Variants in PAICS observed in about 807,000 individuals in gnomAD.
The protein encoded by PAICS is phosphoribosylaminoimidazole carboxylase and phosphoribosylaminoimidazolesuccinocarboxamide synthase, also known as bifunctional phosphoribosylaminoimidazole carboxylase/phosphoribosylaminoimidazole succinocarboxamide synthetase.
PAICS carries 33 observed loss-of-function variants against 53.7 expected under a neutral mutation model. That is an observed-to-expected ratio of 0.61 (90% CI 0.47 to 0.82). The LOEUF (loss-of-function observed/expected upper bound fraction) is 0.82. PAICS is among the 40% of genes least tolerant of loss of function. PAICS has a pLI of 0.00. For missense variants in PAICS, 394 were observed against 494.1 expected (o/e 0.80, Z 1.92); for synonymous variants, 141 against 167.2 (o/e 0.84, Z 1.21).
At chr4:56,450,754 A>T (rs1447799057) in intron 6 of PAICS, 52 bp downstream of exon 6, 8 of 906,772 alleles carry the variant, frequency 8.8e-6, no homozygotes, top group Non-Finnish European at 1.2e-5. Context: ...CTTCTAAGAA[A>T]ATCTTGTTTC....
intron 8 of PAICS, among the ~76,000 whole-genome samples, chr4:56,458,625 G>A (rs1719346033): frequency 6.6e-6 from 1 of 152,186 alleles, no homozygotes; most frequent in Admixed American, 6.5e-5. Flanking sequence ...TTGGCCTTGT[G>A]ATTTGTATTT....
the PAICS span, among the ~76,000 whole-genome samples, chr4:56,414,024 T>G: frequency 2.0e-5 from 3 of 152,330 alleles, no homozygotes; most frequent in East Asian, 5.8e-4. Flanking sequence ...AGAACACTTT[T>G]CTATACAATT....
At chr4:56,431,178 T>A (rs112876479), upstream of PAICS, among the ~76,000 whole-genome samples, 407 of 152,324 alleles carry the variant, frequency 2.7e-3, 1 homozygote, top group African/African-American at 9.4e-3. Flanking sequence ...GTATAAAAGT[T>A]AAACACTATA....
chr4:56,450,616 TA>T lies in PAICS; in HGVS notation c.688-2del. The T allele has an allele frequency of 6.9e-7, 1 of 1,452,746 alleles. No individual in the cohort carries two copies. The highest frequency in any genetic ancestry group is 9.5e-7 in the Non-Finnish European group (1 of 1,057,624). 90.0% of individuals were successfully genotyped at this position (1,452,746 alleles called of 1,614,324 possible). ...TTTCTAAACTTTCTATCTTATTTTC[TA>T]GTCTTATCGGGACCTCAAAGAAGTA... is the stretch of plus-strand genomic sequence containing the variant. On this transcript the variant is annotated splice_acceptor_variant, in intron 5 of 8. Coordinates refer to ENST00000512576, the MANE Select transcript of PAICS (RefSeq NM_001079524.2). LOFTEE classifies it high-confidence loss of function.
At chr4:56,434,108 G>T (rs1372150591), upstream of PAICS, among the ~76,000 whole-genome samples, 1 of 152,036 alleles carries the variant, frequency 6.6e-6, no homozygotes, top group Non-Finnish European at 1.5e-5. Context: ...AAAAAAACAA[G>T]AAATCTATTA....
chr4:56,439,175 G>T (rs1276415633), intron 1 of PAICS, among the ~76,000 whole-genome samples: 1 of 152,128 alleles, frequency 6.6e-6, no homozygotes, highest in African/African-American at 2.4e-5. Flanking sequence ...CTTTGCCCGG[G>T]CTTACTGCAT....
chr4:56,418,912 T>C, the PAICS span, among the ~76,000 whole-genome samples: 1 of 152,244 alleles, frequency 6.6e-6, no homozygotes, highest in East Asian at 1.9e-4. Context: ...AACAAGGCAT[T>C]ATGAAATTTC....
At position 56,459,512 on chromosome 4, in the gene PAICS, A is replaced by C. The variant is rs764472966; in HGVS notation, c.1252A>C (p.Lys418Gln). The C allele has an allele frequency of 2.5e-6, 4 of 1,571,384 alleles. No individual in the cohort carries two copies. The highest frequency in any genetic ancestry group is 3.5e-6 in the Non-Finnish European group (4 of 1,150,332). The change falls in exon 9 of 9, where the codon AAG (lysine) becomes CAG (glutamine). Residue 418 changes from lysine (K) to glutamine (Q), a missense_variant. Physicochemically the swap from Lys to Gln is moderately conservative, Grantham distance 53. Around this residue, in one of 3 missense-constraint regions of PAICS, gnomAD observed 95 missense variants for 89.3 expected, o/e 1.06. Transcript: ENST00000512576. ...ATGGATTTCCTTGAAGCAGGCTGAC[A>C]AGAAAATCAGAGAATGTAATTTATA... ...NTWISLKQAD[K>Q]KIRECNL
At chr4:56,414,053 T>A in the PAICS span, among the ~76,000 whole-genome samples, 1 of 152,226 alleles carries the variant, frequency 6.6e-6, no homozygotes, top group Admixed American at 6.5e-5. Flanking sequence ...TGACCATTCA[T>A]GTCAATTGGG....
upstream of PAICS, chr4:56,435,345 C>G: frequency 1.2e-6 from 2 of 1,613,498 alleles, no homozygotes; most frequent in Non-Finnish European, 1.7e-6. Context: ...CACCCTGTTG[C>G]TCACCGGTGC....
chr4:56,435,386 T>C, upstream of PAICS: 1 of 1,612,126 alleles, frequency 6.2e-7, no homozygotes. Flanking sequence ...AGTGATCACA[T>C]GCGGTACATC....
At chr4:56,432,400 C>T (rs1304367500), upstream of PAICS, among the ~76,000 whole-genome samples, 9 of 151,708 alleles carry the variant, frequency 5.9e-5, no homozygotes, top group Admixed American at 2.6e-4. Context: ...TGGTGGCGGG[C>T]GCCTGTAATC....
chr4:56,413,623 T>C, the PAICS span, among the ~76,000 whole-genome samples: 1 of 152,072 alleles, frequency 6.6e-6, no homozygotes, highest in Non-Finnish European at 1.5e-5. Flanking sequence ...AGGCCAGGCA[T>C]GGTGGCTCAT....
chr4:56,425,754 A>G, the PAICS span, among the ~76,000 whole-genome samples: 1 of 152,178 alleles, frequency 6.6e-6, no homozygotes, highest in Non-Finnish European at 1.5e-5. Context: ...GCTTTGTGCC[A>G]GTGTGACCTC....
At chr4:56,419,595 A>G in the PAICS span, 1 of 842,386 alleles carries the variant, frequency 1.2e-6, no homozygotes, top group Non-Finnish European at 1.4e-6. Context: ...TATATCTTTT[A>G]CCTCTCTACC....
chr4:56,435,481 G>C (rs1347426797), upstream of PAICS: 12 of 1,613,220 alleles, frequency 7.4e-6, no homozygotes, highest in African/African-American at 1.3e-5. Flanking sequence ...GCTCCATGTC[G>C]CCGCCGAAAG....
chr4:56,438,748 C>A (rs1718182349), intron 1 of PAICS, among the ~76,000 whole-genome samples: 1 of 151,956 alleles, frequency 6.6e-6, no homozygotes, highest in South Asian at 2.1e-4. Context: ...TTTTATTTAA[C>A]CCTATATACA....
the PAICS span, chr4:56,425,231 T>C: frequency 6.5e-6 from 1 of 152,844 alleles, no homozygotes; most frequent in South Asian, 2.1e-4. Flanking sequence ...TAATTTTCCT[T>C]AAACCTGGAA....
chr4:56,453,115 C>G (rs578224042), intron 7 of PAICS, among the ~76,000 whole-genome samples: 1 of 152,232 alleles, frequency 6.6e-6, no homozygotes, highest in African/African-American at 2.4e-5. Context: ...AAAAATGTAT[C>G]AAAGGGCCTT....
Sources: allele counts gnomAD v4.1 joint callset (sites outside exome capture counted in the v4.1 genomes callset), GRCh38; gene constraint gnomAD v4.1.1; regional missense constraint gnomAD v4.1.1; transcripts MANE v1.5; gene names NCBI Gene and HGNC (gene_info 2026-07-23, HGNC 2026-07-21).